The following UNK variants were observed in gnomAD, a reference collection of about 807,000 sequenced individuals.
UNK encodes the protein RING finger protein unkempt homolog.
In UNK, 32 loss-of-function variants were observed where a neutral mutation model predicts 97.6. That is an observed-to-expected ratio of 0.33 (90% CI 0.25 to 0.44). The LOEUF (loss-of-function observed/expected upper bound fraction) is 0.44, where lower values mean the gene tolerates loss of function less well. Among genes scored for constraint, UNK ranks in the 20% least tolerant of loss-of-function variants. The pLI is 1.00. For missense variants in UNK, 771 were observed against 1,098.4 expected (o/e 0.70, Z 4.21); for synonymous variants, 441 against 461.2 (o/e 0.96, Z 0.56).
chr17:75,800,504 C>T (rs936729281), intron 1 of UNK, among the ~76,000 whole-genome samples: 4 of 151,320 alleles, frequency 2.6e-5, no homozygotes, highest in African/African-American at 7.3e-5. Flanking sequence ...TTTGGGAGGC[C>T]GAGGCGGGCG....
chr17:75,816,525 T>C lies in UNK; in HGVS notation c.962-245T>C, dbSNP rs2062017373. Among the ~76,000 whole-genome samples, 1 of 152,220 alleles carries C rather than the reference T, an allele frequency of 6.6e-6. No individual in the cohort carries two copies. Among genetic ancestry groups the C allele is most frequent in the South Asian group, 2.1e-4 (1 of 4,824 alleles). ...ACCTCTCTGAGCCTCAGTTTTCTTA[T>C]TTATAAAATGGAGACCATATTACTG... On this transcript the variant is annotated intron_variant, in intron 7 of 15. Transcript: ENST00000589666. The surrounding 1 kb of genome is among the most constrained non-coding windows in gnomAD (Gnocchi z 4.0).
intron 1 of UNK, among the ~76,000 whole-genome samples, chr17:75,806,034 C>G (rs1187417404): frequency 6.7e-6 from 1 of 148,170 alleles, no homozygotes; most frequent in Non-Finnish European, 1.5e-5. Flanking sequence ...ACCCCAGGGG[C>G]AGAGATTGCA....
At chr17:75,798,018 G>A (rs927983854) in intron 1 of UNK, among the ~76,000 whole-genome samples, 16 of 151,572 alleles carry the variant, frequency 1.1e-4, no homozygotes, top group Middle Eastern at 3.5e-3. Flanking sequence ...AACATACAGG[G>A]TGGACATTCA....
rs1185021511 is a variant in UNK, at chr17:75,819,522, G to T, written c.1547-162G>T. 4 of 640,188 alleles carry T rather than the reference G, an allele frequency of 6.2e-6. No homozygotes were observed. Among genetic ancestry groups the T allele is most frequent in the Non-Finnish European group, 1.1e-5 (4 of 364,060 alleles). The allele number at this position is 640,188 out of a possible 1,614,324, so 39.7% of individuals were successfully genotyped here. The stretch of plus-strand genomic sequence containing the variant: ...TGGCAGACGGTGTCAGAAGTCAGGA[G>T]TCAGGATTGGCATAGGAAGCAGCTG... On this transcript the variant is annotated intron_variant, in intron 11 of 15. Coordinates refer to ENST00000589666, the MANE Select transcript of UNK (RefSeq NM_001080419.3). The surrounding 1 kb of genome is among the most constrained non-coding windows in gnomAD (Gnocchi z 5.4).
At position 75,822,556 on chromosome 17, in the gene UNK, A is replaced by T; in HGVS notation, c.1917A>T (p.Leu639=). The T allele has an allele frequency of 6.2e-7, 1 of 1,613,536 alleles. No individual in the cohort carries two copies. Among genetic ancestry groups the T allele is most frequent in the Non-Finnish European group, 8.5e-7 (1 of 1,179,816 alleles). ...SFSPGTSPAF[L]SGPGAAELAR... ...CCCCGGGCACTTCCCCCGCTTTCCT[A>T]TCAGGGCCAGGGGCTGCCGAGCTGG... Residue 639 remains leucine, a synonymous_variant, in exon 14 of 16, where the codon CTA becomes CTT. Transcript: ENST00000589666.
At chr17:75,791,244 A>T (rs1224625288) in intron 1 of UNK, among the ~76,000 whole-genome samples, 1 of 152,206 alleles carries the variant, frequency 6.6e-6, no homozygotes, top group African/African-American at 2.4e-5. Context: ...TAAATTTAGG[A>T]CTGGTTTCCT....
At position 75,818,871 on chromosome 17, in the gene UNK, C is replaced by T; in HGVS notation, c.1546+55C>T. 1 of 1,474,738 alleles carries T rather than the reference C, an allele frequency of 6.8e-7. No individual in the cohort carries two copies. The allele number at this position is 1,474,738 out of a possible 1,614,324, so 91.4% of individuals were successfully genotyped here. On this transcript the variant is annotated intron_variant, in intron 11 of 15. Coordinates refer to ENST00000589666, the MANE Select transcript of UNK (RefSeq NM_001080419.3). This position sits in a 1 kb window ranked among gnomAD's most constrained non-coding sequence, Gnocchi z 5.1. ...AGGACTGGGTCTGGGGTCAGAGACC[C>T]CCCAGTCTCTGAAGCGAGTCTCAAA...
chr17:75,821,545 T>C, intron 13 of UNK: 1 of 452,168 alleles, frequency 2.2e-6, no homozygotes, highest in Non-Finnish European at 4.5e-6. Flanking sequence ...GCTCAGACAG[T>C]GCATGCCACA....
At position 75,818,752 on chromosome 17, in the gene UNK, C is replaced by T; in HGVS notation, c.1482C>T (p.Val494=). The change falls in exon 11 of 16, where the codon GTC becomes GTT. Residue 494 remains valine, a synonymous_variant. Coordinates refer to ENST00000589666, the MANE Select transcript of UNK (RefSeq NM_001080419.3). The surrounding 1 kb of genome is among the most constrained non-coding windows in gnomAD (Gnocchi z 5.1). ...TPPSPVGTSS[V]PGMNANALPF... is the part of the protein sequence containing the mutation. ...CTAGCCCAGTGGGCACCAGCAGCGTCCCCGGCATGAATGCAAACGCTCTGC... is the reference window on the plus strand; with the variant it reads ...CTAGCCCAGTGGGCACCAGCAGCGTTCCCGGCATGAATGCAAACGCTCTGC... 6.2e-7 allele frequency: 1 copy of T among 1,613,136 alleles called. No individual in the cohort carries two copies. Among genetic ancestry groups the T allele is most frequent in the Non-Finnish European group, 8.5e-7 (1 of 1,179,500 alleles).
Position 75,819,349 on chromosome 17 carries a change from C to T in UNK, c.1547-335C>T, listed in dbSNP as rs1338212879. ...ACTGAGTGCCCAGAGACCCGCCCAC[C>T]CCCACTGATCCCGGGGCTGAGACCC... is the stretch of plus-strand genomic sequence containing the variant. On this transcript the variant is annotated intron_variant, in intron 11 of 15. Transcript: ENST00000589666. This position sits in a 1 kb window ranked among gnomAD's most constrained non-coding sequence, Gnocchi z 5.4. The T allele has an allele frequency of 2.8e-6, 1 of 362,880 alleles. No individual in the cohort carries two copies. Among genetic ancestry groups the T allele is most frequent in the African/African-American group, 2.1e-5 (1 of 47,700 alleles). 22.5% of individuals were successfully genotyped at this position (362,880 alleles called of 1,614,324 possible). A position where few individuals can be genotyped will look rare whatever the true frequency, so the allele number is the denominator to read the frequency against.
rs755525049 is a variant in UNK, at chr17:75,816,335, G to A, written c.962-435G>A. Among the ~76,000 whole-genome samples, 5 of 152,200 alleles carry A rather than the reference G, an allele frequency of 3.3e-5. No homozygotes were observed. Among genetic ancestry groups the A allele is most frequent in the South Asian group, 2.1e-4 (1 of 4,834 alleles). On this transcript the variant is annotated intron_variant, in intron 7 of 15. Transcript: ENST00000589666. This position sits in a 1 kb window ranked among gnomAD's most constrained non-coding sequence, Gnocchi z 4.0. ...GGAAAATAAATCGAGGGCCCTGGGC[G>A]GGAGAAGCATATTCTTGATGCAGAG... is the stretch of plus-strand genomic sequence containing the variant.
At chr17:75,790,069 G>A (rs1185545462) in intron 1 of UNK, among the ~76,000 whole-genome samples, 3 of 152,276 alleles carry the variant, frequency 2.0e-5, no homozygotes, top group Middle Eastern at 3.4e-3. Flanking sequence ...TTTGAACCTG[G>A]GAGGCGGAGG....
Position 75,784,859 on chromosome 17 carries a change from G to C in UNK, c.-22G>C, listed in dbSNP as rs1158463226. On this transcript the variant is annotated 5_prime_UTR_variant, in exon 1 of 16. Transcript: ENST00000589666. ...GACTGAATAATAAAAGGGGAGCGGC[G>C]AAGAGGCAGGAAGACAAGACCATGT... 6.2e-7 allele frequency: 1 copy of C among 1,601,336 alleles called. No homozygotes were observed. Among genetic ancestry groups the C allele is most frequent in the Admixed American group, 1.7e-5 (1 of 57,692 alleles).
chr17:75,805,809 A>ATGTGTGTGTGTGTGT (rs1567800919), intron 1 of UNK, among the ~76,000 whole-genome samples: 62 of 96,518 alleles, frequency 6.4e-4, no homozygotes, highest in African/African-American at 3.6e-3. Context: ...TAAAAAGAAA[A>ATGTGTGTGTGTGTGT]ATGTGTGTGT....
chr17:75,798,087 T>TA (rs1286129811), intron 1 of UNK, among the ~76,000 whole-genome samples: 1 of 150,090 alleles, frequency 6.7e-6, no homozygotes, highest in Non-Finnish European at 1.5e-5. Flanking sequence ...TTTTTTTTTT[T>TA]AAGACAGAGT....
chr17:75,791,514 G>A (rs1247645250), intron 1 of UNK, among the ~76,000 whole-genome samples: 1 of 152,200 alleles, frequency 6.6e-6, no homozygotes, highest in African/African-American at 2.4e-5. Context: ...CAGTGAGAAC[G>A]AGCTACATTA....
At position 75,822,563 on chromosome 17, in the gene UNK, C is replaced by T. The variant is rs761719867; in HGVS notation, c.1924C>T (p.Pro642Ser). The T allele has an allele frequency of 2.5e-6, 4 of 1,613,586 alleles. No homozygotes were observed. The highest frequency in any genetic ancestry group is 2.2e-5 in the South Asian group (2 of 91,036). ...CACTTCCCCCGCTTTCCTATCAGGGCCAGGGGCTGCCGAGCTGGCCCGACT... is the reference window on the plus strand; with the variant it reads ...CACTTCCCCCGCTTTCCTATCAGGGTCAGGGGCTGCCGAGCTGGCCCGACT... ...PGTSPAFLSG[P>S]GAAELARLRQ... The change falls in exon 14 of 16, where the codon CCA (proline) becomes TCA (serine). Residue 642 changes from proline to serine, a missense_variant. Coordinates refer to ENST00000589666, the MANE Select transcript of UNK (RefSeq NM_001080419.3).
chr17:75,811,020 T>G (rs1288696720), intron 2 of UNK, among the ~76,000 whole-genome samples: 1 of 151,896 alleles, frequency 6.6e-6, no homozygotes, highest in African/African-American at 2.4e-5. Flanking sequence ...CACTTCCATG[T>G]CGGCTCACTG....
Position 75,825,291 on chromosome 17 carries a change from C to T in UNK, c.*874C>T, listed in dbSNP as rs999204180. ...CTGGTACTCATTCTATGACCACCGC[C>T]CCCAACCAGCTGCCCCCAGCTCTCC... On this transcript the variant is annotated 3_prime_UTR_variant, in exon 16 of 16. Coordinates refer to ENST00000589666, the MANE Select transcript of UNK (RefSeq NM_001080419.3). This position sits in a 1 kb window ranked among gnomAD's most constrained non-coding sequence, Gnocchi z 4.4. 6.6e-6 allele frequency: 1 copy of T among 152,360 alleles called. No individual in the cohort carries two copies. Among genetic ancestry groups the T allele is most frequent in the Non-Finnish European group, 1.5e-5 (1 of 68,038 alleles). 9.4% of individuals were successfully genotyped at this position (152,360 alleles called of 1,614,324 possible).
Sources: allele counts gnomAD v4.1 joint callset (sites outside exome capture counted in the v4.1 genomes callset), GRCh38; gene constraint gnomAD v4.1.1; non-coding constraint Gnocchi (gnomAD v3.1); transcripts MANE v1.5; gene names NCBI Gene and HGNC (gene_info 2026-07-23, HGNC 2026-07-21).